The following LHFPL4 variants were observed in gnomAD, a reference collection of about 807,000 sequenced individuals.
LHFPL4 encodes LHFPL tetraspan subfamily member 4, also known as LHFPL tetraspan subfamily member 4 protein.
In LHFPL4, 6 loss-of-function variants were observed where a neutral mutation model predicts 20.0. The observed-to-expected ratio is 0.30, with a 90% CI of 0.16 to 0.59. The LOEUF is 0.59. LHFPL4 is among the 20% of genes least tolerant of loss of function. LHFPL4 has a pLI of 0.88. For synonymous variants in LHFPL4, 129 were observed against 143.8 expected (o/e 0.90, Z 0.74); for missense variants, 215 against 331.2 (o/e 0.65, Z 2.72).
intron 2 of LHFPL4, among the ~76,000 whole-genome samples, chr3:9,512,388 T>C (rs114550945): frequency 0.021 from 3,146 of 152,256 alleles, 111 homozygotes; most frequent in African/African-American, 0.072. Context: ...GGGTGGCGTG[T>C]GAGCAGGTCA....
intron 2 of LHFPL4, among the ~76,000 whole-genome samples, chr3:9,534,952 A>G (rs1405308972): frequency 2.0e-5 from 3 of 152,044 alleles, no homozygotes; most frequent in Non-Finnish European, 4.4e-5. Flanking sequence ...GAGGGAGGGG[A>G]AGACGAAAAA....
At chr3:9,507,159 G>A (rs568599203) in intron 2 of LHFPL4, among the ~76,000 whole-genome samples, 52 of 152,268 alleles carry the variant, frequency 3.4e-4, no homozygotes, top group Non-Finnish European at 5.3e-4. Context: ...GAAGTAATGC[G>A]TGCAAAACAC....
intron 2 of LHFPL4, among the ~76,000 whole-genome samples, chr3:9,531,530 A>G (rs914967197): frequency 1.3e-5 from 2 of 152,206 alleles, no homozygotes; most frequent in Non-Finnish European, 2.9e-5. Context: ...TCAGCTGGGC[A>G]TGGTGGATCA....
At chr3:9,504,098 T>C (rs1207474000) in intron 3 of LHFPL4, among the ~76,000 whole-genome samples, 1 of 151,632 alleles carries the variant, frequency 6.6e-6, no homozygotes, top group Non-Finnish European at 1.5e-5. Context: ...CAGCCGGGTG[T>C]GCTGGCTCAT....
At chr3:9,517,620 C>T (rs868687626) in intron 2 of LHFPL4, among the ~76,000 whole-genome samples, 1 of 147,330 alleles carries the variant, frequency 6.8e-6, no homozygotes, top group African/African-American at 2.5e-5. Flanking sequence ...TGGTTGAGCC[C>T]AGGCCACAGT....
chr3:9,510,939 A>AAAAC (rs2046255152), intron 2 of LHFPL4, among the ~76,000 whole-genome samples: 1 of 147,454 alleles, frequency 6.8e-6, no homozygotes, highest in African/African-American at 2.5e-5. Context: ...CTCCATCTCA[A>AAAAC]AAATAAATAA....
chr3:9,533,064 A>G (rs891355721), intron 2 of LHFPL4, among the ~76,000 whole-genome samples: 4 of 152,148 alleles, frequency 2.6e-5, no homozygotes, highest in African/African-American at 9.7e-5. Context: ...CCTCAGCAAG[A>G]GAAGGAAAAT....
chr3:9,515,041 T>A (rs1039190799), intron 2 of LHFPL4, among the ~76,000 whole-genome samples: 13 of 152,204 alleles, frequency 8.5e-5, no homozygotes, highest in Non-Finnish European at 1.5e-4. Context: ...TGCTGGGTCA[T>A]ATAGTAAGAG....
At chr3:9,519,159 G>A (rs1032833261) in intron 2 of LHFPL4, among the ~76,000 whole-genome samples, 2 of 151,446 alleles carry the variant, frequency 1.3e-5, no homozygotes, top group African/African-American at 2.4e-5. Context: ...GGCTGGTCTC[G>A]AACTCCTGAC....
chr3:9,535,145 A>G (rs2046437292), intron 2 of LHFPL4, among the ~76,000 whole-genome samples: 1 of 152,240 alleles, frequency 6.6e-6, no homozygotes, highest in African/African-American at 2.4e-5. Flanking sequence ...AATACTCATG[A>G]TGTGTTAGGT....
At chr3:9,528,970 T>G (rs1234341446) in intron 2 of LHFPL4, among the ~76,000 whole-genome samples, 4 of 149,880 alleles carry the variant, frequency 2.7e-5, no homozygotes, top group African/African-American at 9.8e-5. Context: ...CAGGCTGGAG[T>G]GCAGTAGCAC....
chr3:9,505,937 C>T, intron 3 of LHFPL4, 30 bp downstream of exon 3: 6 of 1,595,518 alleles, frequency 3.8e-6, no homozygotes, highest in Non-Finnish European at 4.3e-6. Context: ...CTGGCTCCCG[C>T]CGCTGCCCCC....
chr3:9,535,905 G>A (rs549886273), intron 2 of LHFPL4, among the ~76,000 whole-genome samples: 3 of 152,238 alleles, frequency 2.0e-5, no homozygotes, highest in Admixed American at 6.5e-5. Flanking sequence ...AGGTTCAAGC[G>A]ATTCTCCTGC....
chr3:9,521,063 G>A (rs1290510963), intron 2 of LHFPL4, among the ~76,000 whole-genome samples: 1 of 151,984 alleles, frequency 6.6e-6, no homozygotes, highest in African/African-American at 2.4e-5. Flanking sequence ...CTATCAGTTT[G>A]CCTCATGTAT....
intron 3 of LHFPL4, among the ~76,000 whole-genome samples, chr3:9,504,027 C>T (rs972422570): frequency 9.9e-5 from 15 of 151,680 alleles, no homozygotes; most frequent in African/African-American, 3.6e-4. Context: ...CCCCCTCCCC[C>T]AATCTCTTAA....
At chr3:9,546,991 G>C (rs189089045) in intron 2 of LHFPL4, among the ~76,000 whole-genome samples, 1 of 152,050 alleles carries the variant, frequency 6.6e-6, no homozygotes, top group Non-Finnish European at 1.5e-5. Flanking sequence ...TTCTTGGTTC[G>C]TTTTGTTTTA....
At chr3:9,516,977 C>T (rs377483199) in intron 2 of LHFPL4, among the ~76,000 whole-genome samples, 4 of 151,768 alleles carry the variant, frequency 2.6e-5, no homozygotes, top group Non-Finnish European at 4.4e-5. Flanking sequence ...GACAGGGTTT[C>T]GCCATGTTGC....
chr3:9,522,453 T>C (rs1025188675), intron 2 of LHFPL4, among the ~76,000 whole-genome samples: 1 of 151,896 alleles, frequency 6.6e-6, no homozygotes, highest in Non-Finnish European at 1.5e-5. Flanking sequence ...ATAAGAAAAG[T>C]TTTTGGCTGG....
At chr3:9,536,825 A>G (rs765395127) in intron 2 of LHFPL4, among the ~76,000 whole-genome samples, 6 of 151,714 alleles carry the variant, frequency 4.0e-5, no homozygotes, top group Non-Finnish European at 8.8e-5. Flanking sequence ...AGGCTGAGGC[A>G]GGAGAATGGC....
Sources: gnomAD v4.1 joint callset for allele counts (sites outside exome capture counted in the v4.1 genomes callset) on GRCh38, gnomAD v4.1.1 for gene constraint, MANE v1.5 for transcripts, NCBI Gene and HGNC (gene_info 2026-07-23, HGNC 2026-07-21) for gene names.